Variants in SLC22A15 observed in about 807,000 individuals in gnomAD.
SLC22A15 encodes solute carrier family 22 member 15.
SLC22A15 carries 45 observed loss-of-function variants against 62.7 expected under a neutral mutation model. That is an observed-to-expected ratio of 0.72 (90% CI 0.56 to 0.92). SLC22A15 has a LOEUF of 0.92. SLC22A15 is among the 40% of genes least tolerant of loss of function. The pLI is 0.00. For synonymous variants in SLC22A15, 264 were observed against 267.0 expected (o/e 0.99, Z 0.11); for missense variants, 622 against 665.6 (o/e 0.93, Z 0.72).
intron 8 of SLC22A15, among the ~76,000 whole-genome samples, chr1:116,053,333 G>T (rs1203106012): frequency 7.2e-5 from 11 of 152,274 alleles, no homozygotes; most frequent in Admixed American, 2.0e-4. Context: ...ATGAAATGAA[G>T]TGAGAAGGGA....
chr1:116,062,283 T>C (rs931944907), intron 8 of SLC22A15, among the ~76,000 whole-genome samples: 7 of 152,206 alleles, frequency 4.6e-5, no homozygotes, highest in African/African-American at 1.7e-4. Flanking sequence ...CCTTACCTTC[T>C]CAATGAAACA....
At chr1:116,043,434 A>G (rs1440889151) in intron 8 of SLC22A15, among the ~76,000 whole-genome samples, 2 of 152,178 alleles carry the variant, frequency 1.3e-5, no homozygotes, top group East Asian at 3.8e-4. Flanking sequence ...TCAAAAAAAT[A>G]TAAAGTATAC....
chr1:115,979,539 ATCAAAATGTAC>A (rs1654509181), intron 1 of SLC22A15, among the ~76,000 whole-genome samples: 1 of 152,250 alleles, frequency 6.6e-6, no homozygotes. Context: ...CATTCTTACC[ATCAAAATGTAC>A]TTGCTCTCCC....
chr1:116,060,357 A>T (rs563818218), intron 8 of SLC22A15, among the ~76,000 whole-genome samples: 26 of 152,314 alleles, frequency 1.7e-4, no homozygotes, highest in South Asian at 4.1e-4. Flanking sequence ...CATTCTGTGG[A>T]CATGTAGCTG....
rs555582440 is a variant in SLC22A15, at chr1:116,040,260, T to G, written c.1171+2872T>G. Among the ~76,000 whole-genome samples the G allele has an allele frequency of 2.6e-5, 4 of 152,338 alleles. No individual in the cohort carries two copies. The East Asian group carries it at 7.7e-4, about 29-fold the overall frequency. On this transcript the variant is annotated intron_variant, in intron 8 of 11. Coordinates refer to ENST00000369503, the MANE Select transcript of SLC22A15 (RefSeq NM_018420.3). ...GCCCAGTATATATTTGCATGCTGGT[T>G]GGCATTGAAGTAAATGTTCTCCTCT...
chr1:115,990,237 C>A (rs1365577329), intron 1 of SLC22A15, among the ~76,000 whole-genome samples: 1 of 152,072 alleles, frequency 6.6e-6, no homozygotes, highest in East Asian at 1.9e-4. Flanking sequence ...GCCTTCCAGG[C>A]GAAGCGAATG....
At chr1:116,005,939 A>G (rs548628777) in intron 2 of SLC22A15, among the ~76,000 whole-genome samples, 1 of 152,296 alleles carries the variant, frequency 6.6e-6, no homozygotes, top group Admixed American at 6.5e-5. Flanking sequence ...ATAGGCTGCT[A>G]TTTTAATCAA....
chr1:116,016,109 CTTCT>C (rs1177957685), intron 2 of SLC22A15, among the ~76,000 whole-genome samples: 3 of 147,754 alleles, frequency 2.0e-5, no homozygotes, highest in African/African-American at 7.5e-5. Flanking sequence ...TCTTTCTCTC[CTTCT>C]TTCTCTCTTT....
chr1:116,026,909 G>A lies in SLC22A15; in HGVS notation c.615G>A (p.Leu205=), dbSNP rs2488429. 10 of 1,613,416 alleles carry A rather than the reference G, an allele frequency of 6.2e-6. No individual in the cohort carries two copies. Among genetic ancestry groups the A allele is most frequent in the Non-Finnish European group, 8.5e-6 (10 of 1,179,842 alleles). ...CTGAATTAGGATCGATTGGCGGCCT[G>A]TTCTTTGCAGTTGGCATTGCCCAAT... The part of the protein sequence containing the change: ...YWALAGSIGG[L]FFAVGIAQYA... Residue 205 remains leucine, a synonymous_variant, in exon 5 of 12, where the codon CTG becomes CTA. Coordinates refer to ENST00000369503, the MANE Select transcript of SLC22A15 (RefSeq NM_018420.3).
Position 116,068,529 on chromosome 1 carries a change from T to G in SLC22A15, c.*1421T>G, listed in dbSNP as rs1570781148. On this transcript the variant is annotated 3_prime_UTR_variant, in exon 12 of 12. Coordinates refer to ENST00000369503, the MANE Select transcript of SLC22A15 (RefSeq NM_018420.3). The stretch of plus-strand genomic sequence containing the variant: ...CTGTATCAGTATGTACCTTTGTAAT[T>G]GTTATTTTTATGTCTTTTATGCCCT... The G allele has an allele frequency of 6.6e-6, 1 of 152,356 alleles. No individual in the cohort carries two copies. The highest frequency in any genetic ancestry group is 1.9e-4 in the East Asian group (1 of 5,186). The allele number at this position is 152,356 out of a possible 1,614,324, so 9.4% of individuals were successfully genotyped here.
At position 116,019,581 on chromosome 1, in the gene SLC22A15, G is replaced by A. The variant is rs1391581916; in HGVS notation, c.301-1G>A. On this transcript the variant is annotated splice_acceptor_variant, in intron 2 of 11. Coordinates refer to ENST00000369503, the MANE Select transcript of SLC22A15 (RefSeq NM_018420.3). LOFTEE classifies it high-confidence loss of function. The stretch of plus-strand genomic sequence containing the variant: ...CTCTCTTTTGTTTTATCTTCCTCTA[G>A]TGGTTTTTAATTGCCAACAGATCCT... 1.3e-6 allele frequency: 2 copies of A among 1,597,332 alleles called. No individual in the cohort carries two copies. Among genetic ancestry groups the A allele is most frequent in the East Asian group, 2.2e-5 (1 of 44,794 alleles).
At chr1:116,011,554 A>C (rs1656257700) in intron 2 of SLC22A15, among the ~76,000 whole-genome samples, 8 of 152,190 alleles carry the variant, frequency 5.3e-5, no homozygotes, top group Admixed American at 5.2e-4. Context: ...GCAAATAATT[A>C]ATTAGTGCTG....
intron 8 of SLC22A15, among the ~76,000 whole-genome samples, chr1:116,061,725 A>G (rs1347223946): frequency 6.6e-6 from 1 of 152,130 alleles, no homozygotes; most frequent in Non-Finnish European, 1.5e-5. Flanking sequence ...CCCAGAAAGT[A>G]TAATGTTAAT....
chr1:116,044,376 G>T (rs1428442794), intron 8 of SLC22A15, among the ~76,000 whole-genome samples: 1 of 152,226 alleles, frequency 6.6e-6, no homozygotes, highest in Non-Finnish European at 1.5e-5. Flanking sequence ...GAGGCAGGCG[G>T]TCAGGAATTT....
intron 1 of SLC22A15, among the ~76,000 whole-genome samples, chr1:115,983,562 G>A (rs1654715648): frequency 6.6e-6 from 1 of 152,150 alleles, no homozygotes; most frequent in Non-Finnish European, 1.5e-5. Flanking sequence ...GCCCTGTAAG[G>A]CTGTTGTCTT....
In SLC22A15 at chr1:116,062,761, GAC is replaced by G; in HGVS notation, c.1175_1176del (p.Thr392ArgfsTer24). On this transcript the variant is annotated frameshift_variant and splice_region_variant, in exon 9 of 12. Transcript: ENST00000369503. LOFTEE classifies it high-confidence loss of function. ...ACAGGCATTGCCCTTGTCCTCCTCA[GAC>G]ACAGGTGTGTTTGCAGTGGTGAACA... ...LIVMFLPEKKDTGVFAVVNSH... is the reference protein window; with the variant it reads ...LIVMFLPEKKXTGVFAVVNSH... 1 of 1,613,844 alleles carries G rather than the reference GAC, an allele frequency of 6.2e-7. No individual in the cohort carries two copies. Among genetic ancestry groups the G allele is most frequent in the Admixed American group, 1.7e-5 (1 of 60,022 alleles).
chr1:115,998,625 A>G (rs1056569514), intron 2 of SLC22A15, among the ~76,000 whole-genome samples: 3 of 152,024 alleles, frequency 2.0e-5, no homozygotes, highest in Admixed American at 6.6e-5. Context: ...CTGTTGTGTC[A>G]GTTTTAATGT....
Position 115,976,653 on chromosome 1 carries a change from C to A in SLC22A15, c.26C>A (p.Ala9Glu), listed in dbSNP as rs757091543. 3.2e-6 allele frequency: 5 copies of A among 1,586,724 alleles called. No homozygotes were observed. Among genetic ancestry groups the A allele is most frequent in the South Asian group, 2.2e-5 (2 of 88,940 alleles). The change falls in exon 1 of 12, where the codon GCG (alanine) becomes GAG (glutamate). Residue 9 changes from alanine (A) to glutamate (E), a missense_variant. By Grantham distance (107) the Ala-to-Glu change is moderately radical. Coordinates refer to ENST00000369503, the MANE Select transcript of SLC22A15 (RefSeq NM_018420.3). The stretch of plus-strand genomic sequence containing the variant: ...ATGGAGGTGGAGGAGGCGTTCCAGG[C>A]GGTGGGGGAGATGGGCATCTACCAG... MEVEEAFQAVGEMGIYQMY... is the reference protein window; with the variant it reads MEVEEAFQEVGEMGIYQMY...
chr1:116,006,237 A>G (rs1655972587), intron 2 of SLC22A15, among the ~76,000 whole-genome samples: 1 of 152,194 alleles, frequency 6.6e-6, no homozygotes, highest in South Asian at 2.1e-4. Flanking sequence ...AAGGCTTGCT[A>G]TAAAGAGAGA....
Sources: gnomAD v4.1 joint callset for allele counts (sites outside exome capture counted in the v4.1 genomes callset) on GRCh38, gnomAD v4.1.1 for gene constraint, MANE v1.5 for transcripts, NCBI Gene and HGNC (gene_info 2026-07-23, HGNC 2026-07-21) for gene names.